The following DLGAP1 variants were observed in gnomAD, a reference collection of about 807,000 sequenced individuals.
The protein encoded by DLGAP1 is DLG associated protein 1.
Under a neutral mutation model 90.8 loss-of-function variants are expected in DLGAP1, and 11 were observed. That is an observed-to-expected ratio of 0.12 (90% CI 0.08 to 0.20). DLGAP1 has a LOEUF of 0.20. Ranked by LOEUF, DLGAP1 falls within the 10% of genes least tolerant of loss-of-function variation. DLGAP1 has a pLI of 1.00. For missense variants in DLGAP1, 1,050 were observed against 1,333.8 expected, an observed-to-expected ratio of 0.79 and a Z score of 3.31; for synonymous variants, 558 against 540.7, an observed-to-expected ratio of 1.03 and a Z score of -0.44.
intron 7 of DLGAP1, among the ~76,000 whole-genome samples, chr18:3,591,394 A>G (rs879481732): frequency 6.6e-6 from 1 of 152,162 alleles, no homozygotes; most frequent in Non-Finnish European, 1.5e-5. Flanking sequence ...TAGGATTAGA[A>G]GTATGGACCT....
intron 2 of DLGAP1, among the ~76,000 whole-genome samples, chr18:4,051,921 T>C (rs1222958360): frequency 6.6e-6 from 1 of 152,186 alleles, no homozygotes; most frequent in African/African-American, 2.4e-5. Flanking sequence ...TGAAATCCAA[T>C]AGGTCAGTCA....
At chr18:4,254,873 A>T (rs929717764) in intron 1 of DLGAP1, among the ~76,000 whole-genome samples, 11 of 152,214 alleles carry the variant, frequency 7.2e-5, no homozygotes, top group African/African-American at 2.4e-4. Context: ...GGAAATACTG[A>T]CATACAAAAA....
chr18:4,352,939 A>G (rs1445471331), intron 1 of DLGAP1, among the ~76,000 whole-genome samples: 1 of 152,086 alleles, frequency 6.6e-6, no homozygotes, highest in Non-Finnish European at 1.5e-5. Context: ...GAGTATGACA[A>G]TCATCCACCT....
intron 7 of DLGAP1, among the ~76,000 whole-genome samples, chr18:3,712,030 G>A (rs1351721765): frequency 6.6e-6 from 1 of 152,072 alleles, no homozygotes; most frequent in Non-Finnish European, 1.5e-5. Flanking sequence ...CGATCACACT[G>A]ACCCCGGTGG....
chr18:3,537,980 G>A (rs1290129968), intron 9 of DLGAP1, among the ~76,000 whole-genome samples: 4 of 152,154 alleles, frequency 2.6e-5, no homozygotes, highest in Admixed American at 6.5e-5. Context: ...AAATACACCA[G>A]ATTATGTGGG....
At chr18:4,443,021 C>G (rs1163862975) in intron 1 of DLGAP1, among the ~76,000 whole-genome samples, 3 of 152,156 alleles carry the variant, frequency 2.0e-5, no homozygotes, top group African/African-American at 7.2e-5. Flanking sequence ...AATGGCCATT[C>G]TCCAATAGCG....
intron 1 of DLGAP1, among the ~76,000 whole-genome samples, chr18:4,345,703 G>A (rs1414448260): frequency 6.6e-6 from 1 of 152,162 alleles, no homozygotes; most frequent in African/African-American, 2.4e-5. Context: ...ATCAGCATAT[G>A]CTTAGCTAAT....
rs2059382144 is a variant in DLGAP1, at chr18:3,653,446, AGT to A, written c.1592-71200_1592-71199del. ...TTGCAAAATAATCAAAGCATTGATG[AGT>A]GTTTCTGTTTAAATTCAAAGGACAT... On this transcript the variant is annotated intron_variant, in intron 7 of 12. Transcript: ENST00000315677. The surrounding 1 kb of genome is among the most constrained non-coding windows in gnomAD (Gnocchi z 4.6). The A allele has an allele frequency of 6.6e-6, 1 of 152,172 alleles. No individual in the cohort carries two copies. The highest frequency in any genetic ancestry group is 1.5e-5 in the Non-Finnish European group (1 of 68,032). The allele number at this position is 152,172 out of a possible 1,614,324, so 9.4% of individuals were successfully genotyped here.
intron 7 of DLGAP1, among the ~76,000 whole-genome samples, chr18:3,644,401 T>TTTTATTTTATTTA (rs2059046820): frequency 1.3e-5 from 2 of 150,682 alleles, no homozygotes; most frequent in African/African-American, 4.9e-5. Flanking sequence ...TACTATTTTA[T>TTTTATTTTATTTA]TTTATTTATT....
chr18:4,038,532 G>A (rs1025730271), intron 2 of DLGAP1, among the ~76,000 whole-genome samples: 1 of 152,026 alleles, frequency 6.6e-6, no homozygotes, highest in Non-Finnish European at 1.5e-5. Context: ...TATAAAGTAG[G>A]TTTATTTTTA....
At chr18:3,845,800 A>C (rs1299117872) in intron 4 of DLGAP1, among the ~76,000 whole-genome samples, 3 of 152,244 alleles carry the variant, frequency 2.0e-5, no homozygotes, top group African/African-American at 7.2e-5. Context: ...ACATGCACAA[A>C]TTGGATAGAA....
In DLGAP1 at chr18:3,922,958, A is replaced by C. The variant is rs550970980; in HGVS notation, c.-72-42818T>G. Among the ~76,000 whole-genome samples, 3 of 151,878 alleles carry C rather than the reference A, an allele frequency of 2.0e-5. No homozygotes were observed. In the East Asian group the frequency reaches 5.8e-4, roughly 29 times the overall value. On this transcript the variant is annotated intron_variant, in intron 3 of 12. Transcript: ENST00000315677. ...GACCAGCCCAGCCAACATGGTAAAA[A>C]CCTCATCTCTACCAAAAATATAAAA... is the stretch of plus-strand genomic sequence containing the variant.
At chr18:3,523,614 A>C (rs569331338) in intron 10 of DLGAP1, among the ~76,000 whole-genome samples, 6 of 151,920 alleles carry the variant, frequency 3.9e-5, no homozygotes, top group African/African-American at 7.3e-5. Flanking sequence ...TTGGGAGGCC[A>C]AGGAGGGCGG....
chr18:4,021,597 C>CTTTCTTTT (rs998190041), intron 2 of DLGAP1, among the ~76,000 whole-genome samples: 2 of 151,960 alleles, frequency 1.3e-5, no homozygotes, highest in South Asian at 4.1e-4. Flanking sequence ...TTTTCTTTTT[C>CTTTCTTTT]TTTCTTTTTT....
intron 1 of DLGAP1, among the ~76,000 whole-genome samples, chr18:4,263,313 A>T (rs1469229590): frequency 6.6e-6 from 1 of 152,224 alleles, no homozygotes; most frequent in Non-Finnish European, 1.5e-5. Context: ...AATATTACTG[A>T]CTAGAAAACT....
chr18:4,348,715 C>CA (rs1322608962), intron 1 of DLGAP1, among the ~76,000 whole-genome samples: 2 of 151,876 alleles, frequency 1.3e-5, no homozygotes, highest in African/African-American at 2.4e-5. Flanking sequence ...AGCATGTGCT[C>CA]AAAATTTCGT....
chr18:3,781,696 T>C (rs1385989495), intron 5 of DLGAP1, among the ~76,000 whole-genome samples: 1 of 152,192 alleles, frequency 6.6e-6, no homozygotes, highest in Admixed American at 6.5e-5. Flanking sequence ...GATAAGATTG[T>C]CTACAGCAGA....
chr18:3,869,975 A>T (rs1390813931), intron 4 of DLGAP1, among the ~76,000 whole-genome samples: 1 of 152,232 alleles, frequency 6.6e-6, no homozygotes, highest in African/African-American at 2.4e-5. Context: ...TGCTAAGTAG[A>T]GCCCAAAGTC....
At chr18:4,424,687 A>G (rs1449806605) in intron 1 of DLGAP1, among the ~76,000 whole-genome samples, 1 of 152,210 alleles carries the variant, frequency 6.6e-6, no homozygotes, top group Non-Finnish European at 1.5e-5. Context: ...TCTGAAAGAG[A>G]AAAGTTATTA....
Sources: allele counts gnomAD v4.1 joint callset (sites outside exome capture counted in the v4.1 genomes callset), GRCh38; gene constraint gnomAD v4.1.1; non-coding constraint Gnocchi (gnomAD v3.1); transcripts MANE v1.5; gene names NCBI Gene and HGNC (gene_info 2026-07-23, HGNC 2026-07-21).